The following RAP2A variants were observed in gnomAD, a reference collection of about 807,000 sequenced individuals.
The protein encoded by RAP2A is ras-related protein Rap-2a.
In RAP2A, 5 loss-of-function variants were observed where a neutral mutation model predicts 15.1. That is an observed-to-expected ratio of 0.33 (90% CI 0.17 to 0.70). The LOEUF (loss-of-function observed/expected upper bound fraction) is 0.70, where lower values mean the gene tolerates loss of function less well. Ranked by LOEUF, RAP2A falls within the 30% of genes least tolerant of loss-of-function variation. The probability of loss-of-function intolerance (pLI) is 0.68; values close to 1 mark genes in which losing one functional copy is unlikely to be tolerated. For synonymous variants in RAP2A, 110 were observed against 99.7 expected (o/e 1.10, Z -0.62); for missense variants, 111 against 240.3 (o/e 0.46, Z 3.56).
At chr13:97,435,465 CAAAAAAAAAAA>C (rs35791914) in intron 1 of RAP2A, among the ~76,000 whole-genome samples, 152 of 63,652 alleles carry the variant, frequency 2.4e-3, no homozygotes, top group Admixed American at 5.5e-3. Context: ...TAACCCCTTC[CAAAAAAAAAAA>C]AAAAAAAAAA....
intron 1 of RAP2A, among the ~76,000 whole-genome samples, 167 bp from the exon 2 acceptor site, chr13:97,464,038 T>G (rs1381268189): frequency 6.6e-6 from 1 of 152,196 alleles, no homozygotes; most frequent in Non-Finnish European, 1.5e-5. Flanking sequence ...GAGAGCAGCT[T>G]CAAATGCCCT....
intron 1 of RAP2A, 95 bp downstream of exon 1, chr13:97,434,879 C>T (rs2066626077): frequency 6.6e-7 from 1 of 1,514,938 alleles, no homozygotes; most frequent in Non-Finnish European, 8.9e-7. Flanking sequence ...AAGGGGCTTT[C>T]TGGGGGGTGG....
chr13:97,461,486 C>G (rs1471335605), intron 1 of RAP2A, among the ~76,000 whole-genome samples: 1 of 152,142 alleles, frequency 6.6e-6, no homozygotes, highest in Non-Finnish European at 1.5e-5. Flanking sequence ...ATATGTGGAA[C>G]TGTGTTTGCA....
At chr13:97,463,645 G>A (rs1188433693) in intron 1 of RAP2A, among the ~76,000 whole-genome samples, 12 of 152,148 alleles carry the variant, frequency 7.9e-5, no homozygotes, top group South Asian at 4.1e-4. Context: ...GCTGGAGTGC[G>A]GTGGCACGAT....
chr13:97,447,961 G>T (rs2066686369), intron 1 of RAP2A, among the ~76,000 whole-genome samples: 1 of 151,236 alleles, frequency 6.6e-6, no homozygotes, highest in African/African-American at 2.4e-5. Context: ...ATACTACTCA[G>T]AGTTCTTGGG....
intron 1 of RAP2A, among the ~76,000 whole-genome samples, chr13:97,455,979 G>T (rs2066721076): frequency 6.6e-6 from 1 of 151,204 alleles, no homozygotes; most frequent in South Asian, 2.1e-4. Flanking sequence ...AGTATACTGG[G>T]GATTTCTCCC....
intron 1 of RAP2A, among the ~76,000 whole-genome samples, chr13:97,461,966 A>AT (rs1268466691): frequency 1.4e-5 from 2 of 140,170 alleles, no homozygotes; most frequent in Non-Finnish European, 3.1e-5. Flanking sequence ...CCGTCTCAAA[A>AT]AAAAAATATA....
chr13:97,456,877 A>C (rs2066725084), intron 1 of RAP2A, among the ~76,000 whole-genome samples: 1 of 152,124 alleles, frequency 6.6e-6, no homozygotes, highest in Non-Finnish European at 1.5e-5. Context: ...CTTCAAAACA[A>C]GTCAGGTTGG....
At chr13:97,447,172 C>T (rs1394356808) in intron 1 of RAP2A, among the ~76,000 whole-genome samples, 2 of 152,054 alleles carry the variant, frequency 1.3e-5, no homozygotes, top group Non-Finnish European at 2.9e-5. Context: ...ATTGATCTAC[C>T]CGATGTCATT....
chr13:97,452,203 A>G (rs1594325506), intron 1 of RAP2A, among the ~76,000 whole-genome samples: 2 of 151,030 alleles, frequency 1.3e-5, no homozygotes, highest in Admixed American at 6.6e-5. Flanking sequence ...ATCTTTTTCT[A>G]CCTCAAGGTT....
chr13:97,455,043 C>T lies in RAP2A; in HGVS notation c.315-9162C>T, dbSNP rs762586577. On this transcript the variant is annotated intron_variant, in intron 1 of 1. Coordinates refer to ENST00000245304, the MANE Select transcript of RAP2A (RefSeq NM_021033.7). ...TCTTTGGCTGCTTTCAAGATTTTAT[C>T]TTTGTCTGTAGTTTCAAATGATTTG... Among the ~76,000 whole-genome samples the T allele has an allele frequency of 3.0e-4, 45 of 151,190 alleles. 1 individual carries two copies. The highest frequency in any genetic ancestry group is 5.8e-4 in the Non-Finnish European group (39 of 67,744).
intron 1 of RAP2A, among the ~76,000 whole-genome samples, chr13:97,440,236 CTTT>C (rs747203893): frequency 2.1e-4 from 32 of 151,222 alleles, no homozygotes; most frequent in African/African-American, 7.8e-4. Flanking sequence ...CTGTGGGTCA[CTTT>C]TTTTTTGTTT....
At position 97,469,093 on chromosome 13, in the gene RAP2A, A is replaced by G. The variant is rs2066784638; in HGVS notation, c.*4651A>G. On this transcript the variant is annotated 3_prime_UTR_variant, in exon 2 of 2. Coordinates refer to ENST00000245304, the MANE Select transcript of RAP2A (RefSeq NM_021033.7). ...TCCAACTGGTTTTACATCGTTGAAT[A>G]TTATCTAGTATTTTTAATAAATATT... 1 of 152,140 alleles carries G rather than the reference A, an allele frequency of 6.6e-6. No individual in the cohort carries two copies. The highest frequency in any genetic ancestry group is 2.4e-5 in the African/African-American group (1 of 41,438). 9.4% of individuals were successfully genotyped at this position (152,140 alleles called of 1,614,324 possible).
chr13:97,443,472 C>CT (rs1363013844), intron 1 of RAP2A, among the ~76,000 whole-genome samples: 1 of 152,192 alleles, frequency 6.6e-6, no homozygotes, highest in Non-Finnish European at 1.5e-5. Context: ...ACTGCAGCCT[C>CT]TAACTCCTGG....
chr13:97,434,752 G>A lies in RAP2A; in HGVS notation c.282G>A (p.Lys94=), dbSNP rs758934783. Residue 94 remains lysine, a synonymous_variant, in exon 1 of 2, where the codon AAG becomes AAA. Transcript: ENST00000245304. ...ACCAGCAGAGCTTCCAGGACATCAA[G>A]CCCATGCGGGACCAGATCATCCGCG... ...LVNQQSFQDI[K]PMRDQIIRVK... The A allele has an allele frequency of 6.2e-7, 1 of 1,614,156 alleles. No individual in the cohort carries two copies. The highest frequency in any genetic ancestry group is 1.7e-5 in the Admixed American group (1 of 60,034).
At chr13:97,442,792 C>T (rs1055064387) in intron 1 of RAP2A, among the ~76,000 whole-genome samples, 1 of 152,132 alleles carries the variant, frequency 6.6e-6, no homozygotes, top group Non-Finnish European at 1.5e-5. Context: ...TTTTCTGGTT[C>T]CCAGCAATGC....
At chr13:97,435,185 A>G (rs964616313) in intron 1 of RAP2A, among the ~76,000 whole-genome samples, 2 of 152,190 alleles carry the variant, frequency 1.3e-5, no homozygotes, top group Non-Finnish European at 2.9e-5. Context: ...GACAGTAAAA[A>G]TCGCTCACAC....
chr13:97,434,980 G>A, intron 1 of RAP2A, among the ~76,000 whole-genome samples, 196 bp downstream of exon 1: 1 of 152,200 alleles, frequency 6.6e-6, no homozygotes, highest in Non-Finnish European at 1.5e-5. Flanking sequence ...ATTTGGCATC[G>A]TGTTAGCCCA....
intron 1 of RAP2A, among the ~76,000 whole-genome samples, chr13:97,439,996 A>G (rs2066650400): frequency 6.6e-6 from 1 of 152,132 alleles, no homozygotes; most frequent in Non-Finnish European, 1.5e-5. Flanking sequence ...ATAAGTAGCT[A>G]TTAAAGCCTA....
Sources: allele counts gnomAD v4.1 joint callset (sites outside exome capture counted in the v4.1 genomes callset), GRCh38; gene constraint gnomAD v4.1.1; transcripts MANE v1.5; gene names NCBI Gene and HGNC (gene_info 2026-07-23, HGNC 2026-07-21).